Variants in TSC22D3 observed in about 807,000 individuals in gnomAD.
TSC22D3 encodes TSC22 domain family protein 3.
TSC22D3 carries 4 observed loss-of-function variants against 11.1 expected under a neutral mutation model. That is an observed-to-expected ratio of 0.36 (90% CI 0.18 to 0.83). The LOEUF (loss-of-function observed/expected upper bound fraction) is 0.83. TSC22D3 is among the 40% of genes least tolerant of loss of function. TSC22D3 has a pLI of 0.48. For missense variants in TSC22D3, 118 were observed against 159.4 expected, an observed-to-expected ratio of 0.74 and a Z score of 1.40; for synonymous variants, 77 against 70.3, an observed-to-expected ratio of 1.10 and a Z score of -0.48.
intron 1 of TSC22D3, among the ~76,000 whole-genome samples, chrX:107,760,512 T>A (rs552849376): frequency 1.9e-3 from 218 of 112,100 alleles, no homozygotes; most frequent in African/African-American, 6.8e-3. Context: ...TGGGCCTCAG[T>A]TTCCTCATCT....
At chrX:107,745,824 A>G (rs1056825647) in intron 1 of TSC22D3, among the ~76,000 whole-genome samples, 1 of 112,361 alleles carries the variant, frequency 8.9e-6, no homozygotes, top group Non-Finnish European at 1.9e-5. Flanking sequence ...AGTTATAGCC[A>G]CTGGTGAGAT....
chrX:107,765,055 C>T (rs940708979), intron 1 of TSC22D3, among the ~76,000 whole-genome samples: 3 of 111,627 alleles, frequency 2.7e-5, no homozygotes, highest in African/African-American at 9.8e-5. Flanking sequence ...CGGGTTCCAG[C>T]CCAGAAGGAA....
intron 2 of TSC22D3, 61 bp from the exon 3 acceptor site, chrX:107,714,810 C>CAA: frequency 9.2e-7 from 1 of 1,084,306 alleles, no homozygotes. Context: ...TCTGCAGCAC[C>CAA]TTTGCTCTGT....
intron 1 of TSC22D3, among the ~76,000 whole-genome samples, chrX:107,721,673 G>T (rs935576565): frequency 8.9e-6 from 1 of 112,089 alleles, no homozygotes; most frequent in Non-Finnish European, 1.9e-5. Context: ...GACATGATGC[G>T]AGAGGTGCGG....
intron 1 of TSC22D3, among the ~76,000 whole-genome samples, chrX:107,744,061 G>A (rs1256331269): frequency 1.8e-5 from 2 of 112,369 alleles, no homozygotes; most frequent in African/African-American, 6.5e-5. Context: ...TGGCCAGACT[G>A]TAGGTAGATG....
At chrX:107,716,478 G>T (rs936919618) in intron 1 of TSC22D3, 8 of 995,449 alleles carry the variant, frequency 8.0e-6, no homozygotes, top group Non-Finnish European at 8.8e-6. Flanking sequence ...TGGTTTTCAC[G>T]GCGCAGCGGC....
intron 1 of TSC22D3, among the ~76,000 whole-genome samples, chrX:107,756,823 C>G (rs956816689): frequency 8.9e-6 from 1 of 112,764 alleles, no homozygotes; most frequent in Non-Finnish European, 1.9e-5. Flanking sequence ...AGTGGACTTC[C>G]TCTGCTTTAG....
At chrX:107,757,120 C>T (rs1929212882) in intron 1 of TSC22D3, among the ~76,000 whole-genome samples, 1 of 112,763 alleles carries the variant, frequency 8.9e-6, no homozygotes, top group South Asian at 3.6e-4. Flanking sequence ...CAGGGCCAAC[C>T]AACAAGGGAA....
chrX:107,762,717 C>A (rs1226223693), intron 1 of TSC22D3, among the ~76,000 whole-genome samples: 1 of 109,368 alleles, frequency 9.1e-6, no homozygotes, highest in African/African-American at 3.3e-5. Flanking sequence ...AATCTCAATT[C>A]TTCATGCTAC....
At chrX:107,720,429 C>T (rs1050546216) in intron 1 of TSC22D3, among the ~76,000 whole-genome samples, 9 of 112,307 alleles carry the variant, frequency 8.0e-5, no homozygotes, top group Non-Finnish European at 1.7e-4. Flanking sequence ...CAGCGGCTCA[C>T]GCCTGTAATC....
chrX:107,724,172 C>T (rs746272460), intron 1 of TSC22D3, among the ~76,000 whole-genome samples: 10 of 112,663 alleles, frequency 8.9e-5, no homozygotes, highest in Non-Finnish European at 1.9e-4. Context: ...CATCACCAAC[C>T]GCTGCCTCCC....
At chrX:107,725,079 C>T (rs758039901) in intron 1 of TSC22D3, among the ~76,000 whole-genome samples, 105 of 112,051 alleles carry the variant, frequency 9.4e-4, no homozygotes, top group African/African-American at 3.2e-3. Flanking sequence ...ACAAATGCCA[C>T]CATGAGAATC....
chrX:107,763,564 C>G (rs1408154289), intron 1 of TSC22D3, among the ~76,000 whole-genome samples: 1 of 111,445 alleles, frequency 9.0e-6, no homozygotes, highest in Admixed American at 9.5e-5. Flanking sequence ...TATTTGCAGC[C>G]CAGAAAATTT....
intron 1 of TSC22D3, among the ~76,000 whole-genome samples, chrX:107,725,721 C>T (rs945546647): frequency 6.3e-5 from 7 of 111,782 alleles, no homozygotes; most frequent in Admixed American, 3.8e-4. Context: ...GCAATTTTTG[C>T]CTCTCTGTTA....
At chrX:107,723,065 G>A (rs750658587) in intron 1 of TSC22D3, among the ~76,000 whole-genome samples, 1 of 109,733 alleles carries the variant, frequency 9.1e-6, no homozygotes, top group African/African-American at 3.3e-5. Context: ...GGGTTGGGGG[G>A]TGGCCTGGGG....
At chrX:107,725,396 G>A (rs949145123) in intron 1 of TSC22D3, among the ~76,000 whole-genome samples, 6 of 111,710 alleles carry the variant, frequency 5.4e-5, no homozygotes, top group Admixed American at 1.9e-4. Context: ...TGGAATAGGC[G>A]TGGGGCGGGA....
At chrX:107,764,913 C>T (rs1929595032) in intron 1 of TSC22D3, among the ~76,000 whole-genome samples, 1 of 112,201 alleles carries the variant, frequency 8.9e-6, no homozygotes, top group Non-Finnish European at 1.9e-5. Context: ...CCGAAGGCCT[C>T]TGCCTCCCCA....
intron 1 of TSC22D3, among the ~76,000 whole-genome samples, chrX:107,762,223 C>T (rs150460466): frequency 2.7e-5 from 3 of 111,570 alleles, no homozygotes; most frequent in African/African-American, 6.5e-5. Flanking sequence ...TACTCCAATG[C>T]CCCCTGCAGA....
At chrX:107,749,001 C>T (rs1458579626) in intron 1 of TSC22D3, among the ~76,000 whole-genome samples, 6 of 111,205 alleles carry the variant, frequency 5.4e-5, no homozygotes, top group Non-Finnish European at 9.4e-5. Flanking sequence ...TACTGGACCC[C>T]GTCTGCTAGC....
Sources: gnomAD v4.1 joint callset for allele counts (sites outside exome capture counted in the v4.1 genomes callset) on GRCh38, gnomAD v4.1.1 for gene constraint, MANE v1.5 for transcripts, NCBI Gene and HGNC (gene_info 2026-07-23, HGNC 2026-07-21) for gene names.